BSPRY: variants seen among roughly 807,000 people sequenced by gnomAD.
BSPRY encodes the protein B-box and SPRY domain containing, also known as B box and SPRY domain-containing protein.
A neutral mutation model predicts 38.0 loss-of-function variants in BSPRY; 33 were observed. The observed-to-expected ratio is 0.87, with a 90% confidence interval of 0.66 to 1.16. BSPRY has a LOEUF of 1.16. BSPRY is among the 50% of genes most tolerant of loss of function. The pLI, the probability that BSPRY is intolerant of heterozygous loss-of-function variation, is 0.00. For missense variants in BSPRY, 523 were observed against 533.2 expected (o/e 0.98, Z 0.19); for synonymous variants, 224 against 228.5 (o/e 0.98, Z 0.18).
At chr9:113,354,853 G>A (rs1001973621) in intron 2 of BSPRY, among the ~76,000 whole-genome samples, 1 of 150,518 alleles carries the variant, frequency 6.6e-6, no homozygotes, top group African/African-American at 2.4e-5. Flanking sequence ...TCCCACTGCT[G>A]ATTCTTTTTT....
chr9:113,362,174 GGTGTGTGTGTGTGTGTGTGT>G (rs10600721), intron 3 of BSPRY, among the ~76,000 whole-genome samples, 175 bp from the exon 4 acceptor site: 1 of 141,246 alleles, frequency 7.1e-6, no homozygotes, highest in African/African-American at 2.7e-5. Context: ...ATGTGTTATG[GGTGTGTGTGTGTGTGTGTGT>G]GTGTGTGTGT....
Position 113,370,057 on chromosome 9 carries a change from T to A in BSPRY, c.1124T>A (p.Val375Glu). Reference protein sequence around the residue: ...LLFYEPASGTVLCAHHVSFPG... With the variant: ...LLFYEPASGTELCAHHVSFPG... Reference sequence around the variant, plus strand: ...TTCTATGAGCCAGCCTCCGGCACAGTGCTCTGTGCCCATCATGTGTCCTTC... The same window carrying A: ...TTCTATGAGCCAGCCTCCGGCACAGAGCTCTGTGCCCATCATGTGTCCTTC... Residue 375 changes from valine to glutamate, a missense_variant, in exon 6 of 6, where the codon GTG becomes GAG. Transcript: ENST00000374183. The surrounding 1 kb of genome is among the most constrained non-coding windows in gnomAD (Gnocchi z 4.8). 6.2e-7 allele frequency: 1 copy of A among 1,613,932 alleles called. No individual in the cohort carries two copies. Among genetic ancestry groups the A allele is most frequent in the Non-Finnish European group, 8.5e-7 (1 of 1,179,900 alleles).
At chr9:113,368,781 T>C (rs1015029203) in intron 5 of BSPRY, among the ~76,000 whole-genome samples, 3 of 152,210 alleles carry the variant, frequency 2.0e-5, no homozygotes, top group Non-Finnish European at 2.9e-5. Context: ...TTATTCACTT[T>C]ACACACACTG....
rs967133972 is a variant in BSPRY, at chr9:113,370,223, T to C, written c.*81T>C. On this transcript the variant is annotated 3_prime_UTR_variant, in exon 6 of 6. Coordinates refer to ENST00000374183, the MANE Select transcript of BSPRY (RefSeq NM_017688.3). This position sits in a 1 kb window ranked among gnomAD's most constrained non-coding sequence, Gnocchi z 4.8. ...TACTCAGTGTGCTTTTCCCAAATGA[T>C]GTGTGTGGTGTTTCTAAGAGAAACA... 1.2e-5 allele frequency: 17 copies of C among 1,460,502 alleles called. No individual in the cohort carries two copies. In the African/African-American group the frequency reaches 1.8e-4, roughly 16 times the overall value. 90.5% of individuals were successfully genotyped at this position (1,460,502 alleles called of 1,614,324 possible). A position where few individuals can be genotyped will look rare whatever the true frequency, so the allele number is the denominator to read the frequency against.
rs1228196144 is a variant in BSPRY, at chr9:113,362,401, A to G, written c.557+7A>G. ...AGCAAGAGATTTTCGAGAGGTGAGT[A>G]TAGACCCCGTGATTTGACTGGGTAG... On this transcript the variant is annotated splice_region_variant and intron_variant, in intron 4 of 5. Transcript: ENST00000374183. 2.5e-6 allele frequency: 4 copies of G among 1,613,896 alleles called. No homozygotes were observed. Among genetic ancestry groups the G allele is most frequent in the Non-Finnish European group, 3.4e-6 (4 of 1,179,946 alleles).
intron 2 of BSPRY, among the ~76,000 whole-genome samples, chr9:113,359,878 AAATTT>A (rs1834120377): frequency 1.4e-5 from 2 of 144,706 alleles, no homozygotes; most frequent in African/African-American, 2.9e-5. Flanking sequence ...CTATTAAAAA[AAATTT>A]AAAAAAAAAA....
At chr9:113,362,667 G>T (rs1834175232) in intron 4 of BSPRY, among the ~76,000 whole-genome samples, 1 of 152,228 alleles carries the variant, frequency 6.6e-6, no homozygotes, top group South Asian at 2.1e-4. Context: ...TCACCCTGTT[G>T]GAGGGTTTTA....
intron 1 of BSPRY, among the ~76,000 whole-genome samples, chr9:113,352,768 G>A (rs960638394): frequency 1.3e-5 from 2 of 152,164 alleles, no homozygotes; most frequent in East Asian, 1.9e-4. Flanking sequence ...TAGCTGGGGG[G>A]TTGGGGGTGC....
chr9:113,360,366 C>A, intron 2 of BSPRY, 141 bp from the exon 3 acceptor site: 1 of 777,980 alleles, frequency 1.3e-6, no homozygotes, highest in Non-Finnish European at 2.1e-6. Context: ...AAAAGGCTTA[C>A]ATGCTATTAT....
chr9:113,354,426 C>A, intron 2 of BSPRY, 88 bp downstream of exon 2: 3 of 988,370 alleles, frequency 3.0e-6, no homozygotes, highest in Non-Finnish European at 4.7e-6. Flanking sequence ...GGTCCCTTAC[C>A]AACCTCACAG....
intron 2 of BSPRY, among the ~76,000 whole-genome samples, chr9:113,359,094 A>G (rs543438326): frequency 6.6e-6 from 1 of 152,302 alleles, no homozygotes; most frequent in African/African-American, 2.4e-5. Context: ...ATGTTATTGA[A>G]CACATAATGT....
chr9:113,366,581 C>T (rs993938167), intron 4 of BSPRY, among the ~76,000 whole-genome samples: 1 of 152,222 alleles, frequency 6.6e-6, no homozygotes, highest in South Asian at 2.1e-4. Flanking sequence ...GTTTTGTCTT[C>T]GGTACCATAG....
At chr9:113,368,117 A>G (rs369912748) in intron 4 of BSPRY, 142 bp from the exon 5 acceptor site, 136 of 1,001,314 alleles carry the variant, frequency 1.4e-4, no homozygotes, top group African/African-American at 1.1e-3. Context: ...CACAGGGGTG[A>G]GCCACTGCAC....
chr9:113,349,578 C>A lies in BSPRY; in HGVS notation c.-2C>A. ...TGGAGCGCACGGGGCGGGCGCACGGCCATGTCCGCCGAGGGCGCGGAGCCG... is the reference window on the plus strand; with the variant it reads ...TGGAGCGCACGGGGCGGGCGCACGGACATGTCCGCCGAGGGCGCGGAGCCG... On this transcript the variant is annotated 5_prime_UTR_variant, in exon 1 of 6. Coordinates refer to ENST00000374183, the MANE Select transcript of BSPRY (RefSeq NM_017688.3). 1.7e-6 allele frequency: 2 copies of A among 1,162,798 alleles called. No homozygotes were observed. The highest frequency in any genetic ancestry group is 2.1e-6 in the Non-Finnish European group (2 of 944,842). The allele number at this position is 1,162,798 out of a possible 1,614,324, so 72.0% of individuals were successfully genotyped here.
intron 4 of BSPRY, 94 bp from the exon 5 acceptor site, chr9:113,368,165 A>T: frequency 6.8e-7 from 1 of 1,472,682 alleles, no homozygotes. Flanking sequence ...GCCTGATAGG[A>T]GATTTTACTT....
chr9:113,365,727 AAGAGAAAG>A (rs933658453), intron 4 of BSPRY, among the ~76,000 whole-genome samples: 2 of 113,014 alleles, frequency 1.8e-5, no homozygotes, highest in African/African-American at 6.9e-5. Flanking sequence ...GGAAGGGAGA[AAGAGAAAG>A]AGAGAGAGAG....
At chr9:113,356,995 G>T (rs1301241944) in intron 2 of BSPRY, among the ~76,000 whole-genome samples, 1 of 152,164 alleles carries the variant, frequency 6.6e-6, no homozygotes, top group Non-Finnish European at 1.5e-5. Flanking sequence ...ATAAATTTGG[G>T]ATTTATCAGT....
In BSPRY at chr9:113,370,352, A is replaced by G. The variant is rs552773981; in HGVS notation, c.*210A>G. Reference sequence around the variant, plus strand: ...TCCAAACTTTTGGCTTCCCTGGGCCACATTTGAAGAAGAATTTTCTTGGGC... The same window carrying G: ...TCCAAACTTTTGGCTTCCCTGGGCCGCATTTGAAGAAGAATTTTCTTGGGC... On this transcript the variant is annotated 3_prime_UTR_variant, in exon 6 of 6. Coordinates refer to ENST00000374183, the MANE Select transcript of BSPRY (RefSeq NM_017688.3). The surrounding 1 kb of genome is among the most constrained non-coding windows in gnomAD (Gnocchi z 4.8). 3 of 449,734 alleles carry G rather than the reference A, an allele frequency of 6.7e-6. No individual in the cohort carries two copies. The South Asian group carries it at 2.5e-4, about 38-fold the overall frequency. The allele number at this position is 449,734 out of a possible 1,614,324, so 27.9% of individuals were successfully genotyped here.
chr9:113,361,643 C>G (rs1305021712), intron 3 of BSPRY, among the ~76,000 whole-genome samples: 1 of 152,118 alleles, frequency 6.6e-6, no homozygotes, highest in African/African-American at 2.4e-5. Context: ...AGAAAACTAG[C>G]TGTGTCAAAG....
Sources: gnomAD v4.1 joint callset for allele counts (sites outside exome capture counted in the v4.1 genomes callset) on GRCh38, gnomAD v4.1.1 for gene constraint, Gnocchi (gnomAD v3.1) non-coding constraint, MANE v1.5 for transcripts, NCBI Gene and HGNC (gene_info 2026-07-23, HGNC 2026-07-21) for gene names.